GALR1: variants seen among roughly 807,000 people sequenced by gnomAD.
GALR1 encodes the protein galanin receptor type 1.
Under a neutral mutation model 17.9 loss-of-function variants are expected in GALR1, and 11 were observed. The observed-to-expected ratio is 0.62, with a 90% CI of 0.39 to 1.02. The LOEUF (loss-of-function observed/expected upper bound fraction) is 1.02. GALR1 is among the 50% of genes least tolerant of loss of function. The pLI, the probability that GALR1 is intolerant of heterozygous loss-of-function variation, is 0.01. For synonymous variants in GALR1, 206 were observed against 205.7 expected, an observed-to-expected ratio of 1.00 and a Z score of -0.01; for missense variants, 441 against 456.9, an observed-to-expected ratio of 0.97 and a Z score of 0.32.
chr18:77,275,776 A>T lies in GALR1; in HGVS notation c.*6874A>T, dbSNP rs149222668. The T allele has an allele frequency of 6.6e-6, 1 of 152,200 alleles. No homozygotes were observed. The highest frequency in any genetic ancestry group is 1.5e-5 in the Non-Finnish European group (1 of 68,040). The allele number at this position is 152,200 out of a possible 1,614,324, so 9.4% of individuals were successfully genotyped here. On this transcript the variant is annotated 3_prime_UTR_variant, in exon 3 of 3. Transcript: ENST00000299727. ...TGTTTTTTAAAACGGAAACCATGTC[A>T]TTTTCCTTCTAGAGAGAATTTCCTG...
chr18:77,252,914 C>CCACCACCAT (rs1912473518), intron 1 of GALR1, among the ~76,000 whole-genome samples: 2 of 37,438 alleles, frequency 5.3e-5, no homozygotes, highest in Admixed American at 5.1e-4. Context: ...ACCACCACCA[C>CCACCACCAT]CACCACCATC....
chr18:77,277,376 A>G lies in GALR1; in HGVS notation c.*8474A>G, dbSNP rs1913177810. The G allele has an allele frequency of 6.6e-6, 1 of 152,150 alleles. No individual in the cohort carries two copies. The highest frequency in any genetic ancestry group is 2.1e-4 in the South Asian group (1 of 4,828). The allele number at this position is 152,150 out of a possible 1,614,324, so 9.4% of individuals were successfully genotyped here. On this transcript the variant is annotated 3_prime_UTR_variant, in exon 3 of 3. Transcript: ENST00000299727. The stretch of plus-strand genomic sequence containing the variant: ...ACTGTTCTTGCGATAGTGAGTTCTC[A>G]GGAGATCTGATGGTTTTATAAGCAT...
intron 2 of GALR1, among the ~76,000 whole-genome samples, chr18:77,267,661 T>G (rs1173783138): frequency 1.3e-5 from 2 of 152,340 alleles, no homozygotes; most frequent in Middle Eastern, 3.4e-3. Flanking sequence ...CTCCCGTAAT[T>G]AAAGCATTTT....
At position 77,273,874 on chromosome 18, in the gene GALR1, G is replaced by T. The variant is rs1913107894; in HGVS notation, c.*4972G>T. Reference sequence around the variant, plus strand: ...GAGATTTCTCAGGCCAAGTTGTGTAGCTCCAAATTCTCCGCAATTAGAGAA... The same window carrying T: ...GAGATTTCTCAGGCCAAGTTGTGTATCTCCAAATTCTCCGCAATTAGAGAA... On this transcript the variant is annotated 3_prime_UTR_variant, in exon 3 of 3. Transcript: ENST00000299727. 6.6e-6 allele frequency: 1 copy of T among 152,110 alleles called. No individual in the cohort carries two copies. Among genetic ancestry groups the T allele is most frequent in the African/African-American group, 2.4e-5 (1 of 41,414 alleles). 9.4% of individuals were successfully genotyped at this position (152,110 alleles called of 1,614,324 possible).
chr18:77,265,174 A>G (rs1321333230), intron 2 of GALR1, among the ~76,000 whole-genome samples: 3 of 152,210 alleles, frequency 2.0e-5, no homozygotes, highest in African/African-American at 7.2e-5. Flanking sequence ...CCTAGATACA[A>G]TGGGAGTACA....
chr18:77,263,648 T>C (rs1254924115), intron 2 of GALR1, among the ~76,000 whole-genome samples: 1 of 152,142 alleles, frequency 6.6e-6, no homozygotes, highest in African/African-American at 2.4e-5. Context: ...TGATCTGAGA[T>C]CTAGCCCTCC....
rs894162420 is a variant in GALR1, at chr18:77,272,179, T to G, written c.*3277T>G. The G allele has an allele frequency of 6.6e-6, 1 of 152,216 alleles. No homozygotes were observed. The highest frequency in any genetic ancestry group is 1.5e-5 in the Non-Finnish European group (1 of 68,040). 9.4% of individuals were successfully genotyped at this position (152,216 alleles called of 1,614,324 possible). On this transcript the variant is annotated 3_prime_UTR_variant, in exon 3 of 3. Transcript: ENST00000299727. ...ATAAATTCATCTTTCAGCGCAGATA[T>G]AACAAATCAGAGTGGGGAGGAGAGA...
chr18:77,266,888 G>A (rs1444781821), intron 2 of GALR1, among the ~76,000 whole-genome samples: 1 of 152,218 alleles, frequency 6.6e-6, no homozygotes, highest in Non-Finnish European at 1.5e-5. Context: ...GATGAGAGCT[G>A]GGTGGGGTCA....
rs1030765472 is a variant in GALR1, at chr18:77,274,499, G to T, written c.*5597G>T. On this transcript the variant is annotated 3_prime_UTR_variant, in exon 3 of 3. Coordinates refer to ENST00000299727, the MANE Select transcript of GALR1 (RefSeq NM_001480.4). Reference sequence around the variant, plus strand: ...CGTGTAAGGCCTTCAGTATATAATGGACTTGTGCCAAGTACCTAAGGGTTC... The same window carrying T: ...CGTGTAAGGCCTTCAGTATATAATGTACTTGTGCCAAGTACCTAAGGGTTC... 3 of 152,232 alleles carry T rather than the reference G, an allele frequency of 2.0e-5. No homozygotes were observed. Among genetic ancestry groups the T allele is most frequent in the African/African-American group, 4.8e-5 (2 of 41,436 alleles). The allele number at this position is 152,232 out of a possible 1,614,324, so 9.4% of individuals were successfully genotyped here. A position where few individuals can be genotyped will look rare whatever the true frequency, so the allele number is the denominator to read the frequency against.
Position 77,256,243 on chromosome 18 carries a change from A to G in GALR1, c.732+20A>G, listed in dbSNP as rs1305038226. The G allele has an allele frequency of 7.5e-7, 1 of 1,327,130 alleles. No homozygotes were observed. The highest frequency in any genetic ancestry group is 1.8e-5 in the Admixed American group (1 of 56,892). 82.2% of individuals were successfully genotyped at this position (1,327,130 alleles called of 1,614,324 possible). A position where few individuals can be genotyped will look rare whatever the true frequency, so the allele number is the denominator to read the frequency against. On this transcript the variant is annotated intron_variant, in intron 2 of 2. Transcript: ENST00000299727. ...AAAAAGGTAATGATCACAAATATAT[A>G]TATATATGTTACTTTTCAGAGCTTA...
chr18:77,259,057 ATGG>A lies in GALR1; in HGVS notation c.732+2839_732+2841del, dbSNP rs765779771. Reference sequence around the variant, plus strand: ...GGTCATGATGGTCATGGTGGTGATGATGGTGGTCATGGTGGTCATGGTGGCGAT... The same window carrying A: ...GGTCATGATGGTCATGGTGGTGATGATGGTCATGGTGGTCATGGTGGCGAT... On this transcript the variant is annotated intron_variant, in intron 2 of 2. Coordinates refer to ENST00000299727, the MANE Select transcript of GALR1 (RefSeq NM_001480.4). 4.8e-3 allele frequency among the ~76,000 whole-genome samples: 19 copies of A among 3,948 alleles called. 4 individuals carry two copies. The South Asian group carries it at 0.17, about 35-fold the overall frequency. The allele number at this position is 3,948 out of a possible 152,430, so 2.6% of individuals were successfully genotyped here. A position where few individuals can be genotyped will look rare whatever the true frequency, so the allele number is the denominator to read the frequency against.
At chr18:77,265,101 A>T (rs969010263) in intron 2 of GALR1, among the ~76,000 whole-genome samples, 2 of 152,214 alleles carry the variant, frequency 1.3e-5, no homozygotes, top group Non-Finnish European at 2.9e-5. Context: ...GTCTCATCTG[A>T]GACAAGGCAA....
chr18:77,260,157 T>A (rs188957021), intron 2 of GALR1, among the ~76,000 whole-genome samples: 6 of 152,320 alleles, frequency 3.9e-5, no homozygotes, highest in Non-Finnish European at 8.8e-5. Flanking sequence ...GGAAGTTTAT[T>A]TCTTGCAGTC....
chr18:77,266,590 A>C (rs1216670395), intron 2 of GALR1, among the ~76,000 whole-genome samples: 2 of 152,236 alleles, frequency 1.3e-5, no homozygotes, highest in Non-Finnish European at 2.9e-5. Flanking sequence ...AAGACTGGGT[A>C]ATTTATAAAG....
At chr18:77,262,052 G>A (rs1912842275) in intron 2 of GALR1, among the ~76,000 whole-genome samples, 1 of 152,028 alleles carries the variant, frequency 6.6e-6, no homozygotes, top group South Asian at 2.1e-4. Context: ...GGCCTAGAAT[G>A]CCTGACCTCA....
rs952206192 is a variant in GALR1, at chr18:77,271,726, T to C, written c.*2824T>C. 14 of 152,390 alleles carry C rather than the reference T, an allele frequency of 9.2e-5. No individual in the cohort carries two copies. Among genetic ancestry groups the C allele is most frequent in the African/African-American group, 3.4e-4 (14 of 41,600 alleles). 9.4% of individuals were successfully genotyped at this position (152,390 alleles called of 1,614,324 possible). A position where few individuals can be genotyped will look rare whatever the true frequency, so the allele number is the denominator to read the frequency against. ...TACTTCAAAGAAAACTGATGCTTTC[T>C]AAGCAGATTTGGCTGTCTCAGTGCC... On this transcript the variant is annotated 3_prime_UTR_variant, in exon 3 of 3. Coordinates refer to ENST00000299727, the MANE Select transcript of GALR1 (RefSeq NM_001480.4).
At chr18:77,255,294 A>T (rs984308698) in intron 1 of GALR1, among the ~76,000 whole-genome samples, 1 of 152,366 alleles carries the variant, frequency 6.6e-6, no homozygotes, top group East Asian at 1.9e-4. Flanking sequence ...AAATTCCTAC[A>T]TCTAAAACCC....
In GALR1 at chr18:77,270,239, A is replaced by C. The variant is rs1913036238; in HGVS notation, c.*1337A>C. 6.6e-6 allele frequency: 1 copy of C among 152,222 alleles called. No individual in the cohort carries two copies. Among genetic ancestry groups the C allele is most frequent in the Non-Finnish European group, 1.5e-5 (1 of 68,042 alleles). The allele number at this position is 152,222 out of a possible 1,614,324, so 9.4% of individuals were successfully genotyped here. ...TTTGTTAAAAAGGATTTGGCCAAGC[A>C]CAGTGGCTCATGCCTGTAATTCCAG... is the stretch of plus-strand genomic sequence containing the variant. On this transcript the variant is annotated 3_prime_UTR_variant, in exon 3 of 3. Coordinates refer to ENST00000299727, the MANE Select transcript of GALR1 (RefSeq NM_001480.4).
chr18:77,259,523 G>A (rs1178500059), intron 2 of GALR1, among the ~76,000 whole-genome samples: 2 of 149,698 alleles, frequency 1.3e-5, no homozygotes, highest in East Asian at 3.9e-4. Context: ...GGTAGTGATG[G>A]TGGTGGTGGT....
Sources: allele counts gnomAD v4.1 joint callset (sites outside exome capture counted in the v4.1 genomes callset), GRCh38; gene constraint gnomAD v4.1.1; transcripts MANE v1.5; gene names NCBI Gene and HGNC (gene_info 2026-07-23, HGNC 2026-07-21).